The following NBAS variants were observed in gnomAD, a reference collection of about 807,000 sequenced individuals.
The protein encoded by NBAS is NAG/BC035112 fusion.
Under a neutral mutation model 302.5 loss-of-function variants are expected in NBAS, and 219 were observed. The ratio of observed to expected loss-of-function variants is 0.72; its 90% CI spans 0.65 to 0.81. NBAS has a LOEUF of 0.81. Ranked by LOEUF, NBAS falls within the 30% of genes least tolerant of loss-of-function variation. NBAS has a pLI of 0.00. For synonymous variants in NBAS, 1,118 were observed against 1,021.6 expected, an observed-to-expected ratio of 1.09 and a Z score of -1.80; for missense variants, 2,932 against 2,841.6, an observed-to-expected ratio of 1.03 and a Z score of -0.72.
At position 15,383,147 on chromosome 2, in the gene NBAS, G is replaced by A. The variant is rs553980754; in HGVS notation, c.3360+68C>T. The A allele has an allele frequency of 3.0e-6, 4 of 1,314,046 alleles. No individual in the cohort carries two copies. In the African/African-American group the frequency reaches 4.4e-5, roughly 15 times the overall value. The allele number at this position is 1,314,046 out of a possible 1,614,324, so 81.4% of individuals were successfully genotyped here. On this transcript the variant is annotated intron_variant, in intron 29 of 51. Coordinates refer to ENST00000281513, the MANE Select transcript of NBAS (RefSeq NM_015909.4). ...AGGGTAGCTTATGGTCATCAATCTT[G>A]TATCCAATAAACCATAACAATTAAA...
chr2:15,454,306 GA>G (rs1485995585), intron 21 of NBAS, among the ~76,000 whole-genome samples: 4 of 151,758 alleles, frequency 2.6e-5, no homozygotes, highest in Non-Finnish European at 5.9e-5. Flanking sequence ...AACAGATATG[GA>G]AAAATAGAGT....
intron 38 of NBAS, among the ~76,000 whole-genome samples, chr2:15,324,313 C>T (rs896336752): frequency 4.6e-5 from 7 of 152,188 alleles, no homozygotes; most frequent in Admixed American, 2.0e-4. Context: ...AGCCTACTAT[C>T]GCTTCATCTC....
the NBAS span, among the ~76,000 whole-genome samples, chr2:15,009,647 T>C: frequency 6.8e-6 from 1 of 146,440 alleles, no homozygotes; most frequent in East Asian, 2.0e-4. Flanking sequence ...CATATACACA[T>C]ATATATGTAG....
At chr2:15,400,453 G>A (rs527961689) in intron 26 of NBAS, among the ~76,000 whole-genome samples, 15 of 152,210 alleles carry the variant, frequency 9.9e-5, no homozygotes, top group African/African-American at 3.6e-4. Flanking sequence ...ACTGGAGAAT[G>A]GTAGGAGAAG....
intron 48 of NBAS, among the ~76,000 whole-genome samples, chr2:15,210,857 A>C (rs1052134555): frequency 6.6e-6 from 1 of 152,208 alleles, no homozygotes; most frequent in Non-Finnish European, 1.5e-5. Context: ...ATGTTAAGTG[A>C]AATAAGCCAG....
the NBAS span, among the ~76,000 whole-genome samples, chr2:15,010,997 A>C: frequency 6.6e-6 from 1 of 152,192 alleles, no homozygotes; most frequent in Non-Finnish European, 1.5e-5. Flanking sequence ...CAAGTATGAT[A>C]ATTTTCAAGC....
intron 48 of NBAS, 138 bp from the exon 49 acceptor site, chr2:15,190,541 C>A: frequency 1.0e-6 from 1 of 1,002,802 alleles, no homozygotes; most frequent in Non-Finnish European, 1.5e-6. Context: ...GAAAAACAAC[C>A]ACCTCAAAAG....
downstream of NBAS, among the ~76,000 whole-genome samples, chr2:15,162,337 C>T (rs535519690): frequency 9.2e-4 from 140 of 152,282 alleles, no homozygotes; most frequent in African/African-American, 3.2e-3. Flanking sequence ...TCAGAACCCC[C>T]CTAGGTCATC....
chr2:15,167,360 T>C (rs765304518), intron 51 of NBAS, 37 bp from the exon 52 acceptor site: 1 of 1,612,166 alleles, frequency 6.2e-7, no homozygotes, highest in South Asian at 1.1e-5. Flanking sequence ...TGAGGGGGTG[T>C]TTGCTTTGTT....
At chr2:15,034,016 AAGAAGAAGAAGAGGAGGAGGAAGGAGG>A in the NBAS span, among the ~76,000 whole-genome samples, 1 of 46,720 alleles carries the variant, frequency 2.1e-5, no homozygotes, top group South Asian at 7.2e-4. Context: ...GAAGAAGAAG[AAGAAGAAGAAGAGGAGGAGGAAGGAGG>A]AGGAGGAGGA....
chr2:14,863,777 T>A, the NBAS span, among the ~76,000 whole-genome samples: 1 of 152,206 alleles, frequency 6.6e-6, no homozygotes. Flanking sequence ...ATTTAAACAT[T>A]ATATTCCAAC....
rs546667257 is a variant in NBAS at position 15,539,836 on chromosome 2, G to A, written c.380-480C>T. On this transcript the variant is annotated intron_variant, in intron 6 of 51. Transcript: ENST00000281513. ...GACTATGCTAACATTGTATTAGAAA[G>A]GGGGGAAATATATATATATATACAC... is the stretch of plus-strand genomic sequence containing the variant. Among the ~76,000 whole-genome samples, 202 of 150,848 alleles carry A rather than the reference G, an allele frequency of 1.3e-3. 1 individual carries two copies. Among genetic ancestry groups the A allele is most frequent in the African/African-American group, 4.9e-3 (197 of 40,386 alleles).
At chr2:15,445,919 A>AT (rs1285976039) in intron 21 of NBAS, among the ~76,000 whole-genome samples, 3 of 151,758 alleles carry the variant, frequency 2.0e-5, no homozygotes, top group African/African-American at 7.3e-5. Context: ...TTAAAAAAAA[A>AT]ATACACTGAA....
chr2:15,442,652 CA>C (rs1417766985), intron 21 of NBAS, among the ~76,000 whole-genome samples: 1 of 151,556 alleles, frequency 6.6e-6, no homozygotes, highest in Non-Finnish European at 1.5e-5. Context: ...TAACTAAAAT[CA>C]GAGCAGAACT....
At chr2:14,834,625 A>G in the NBAS span, among the ~76,000 whole-genome samples, 85,408 of 151,970 alleles carry the variant, frequency 0.56, 26,384 homozygotes, top group African/African-American at 0.84. Flanking sequence ...AAGGTTACAA[A>G]AGTAAATGTG....
At chr2:14,849,309 C>T in the NBAS span, among the ~76,000 whole-genome samples, 2 of 151,928 alleles carry the variant, frequency 1.3e-5, no homozygotes, top group African/African-American at 2.4e-5. Flanking sequence ...CCAATGCGAT[C>T]AACTGGAAGA....
At position 15,328,745 on chromosome 2, in the gene NBAS, A is replaced by C. The variant is rs1672190140; in HGVS notation, c.4348-433T>G. Among the ~76,000 whole-genome samples, 4 of 152,340 alleles carry C rather than the reference A, an allele frequency of 2.6e-5. No individual in the cohort carries two copies. The South Asian group carries it at 8.3e-4, about 32-fold the overall frequency. ...AAGGCAAACAACCAACAGCCGAACA[A>C]CTAAACTATGTGGAACATCATTTGA... is the stretch of plus-strand genomic sequence containing the variant. On this transcript the variant is annotated intron_variant, in intron 36 of 51. Coordinates refer to ENST00000281513, the MANE Select transcript of NBAS (RefSeq NM_015909.4).
At chr2:15,496,072 A>ATATATATATG (rs1251044692) in intron 11 of NBAS, among the ~76,000 whole-genome samples, 89 of 145,736 alleles carry the variant, frequency 6.1e-4, no homozygotes, top group African/African-American at 2.2e-3. Context: ...GTGTATATAT[A>ATATATATATG]TACACACACA....
At chr2:15,561,096 G>C in intron 1 of NBAS, 92 bp downstream of exon 1, 2,142 of 456,612 alleles carry the variant, frequency 4.7e-3, no homozygotes, top group Middle Eastern at 0.011. Flanking sequence ...CCACCCACCC[G>C]TCTCCACTCC....
Sources: allele counts gnomAD v4.1 joint callset (sites outside exome capture counted in the v4.1 genomes callset), GRCh38; gene constraint gnomAD v4.1.1; transcripts MANE v1.5; gene names NCBI Gene and HGNC (gene_info 2026-07-23, HGNC 2026-07-21).